Variants in PIP5K1C observed in about 807,000 individuals in gnomAD.
PIP5K1C encodes the protein phosphatidylinositol 4-phosphate 5-kinase type-1 gamma.
Under a neutral mutation model 80.1 loss-of-function variants are expected in PIP5K1C, and 45 were observed. That is an observed-to-expected ratio of 0.56 (90% confidence interval 0.44 to 0.72). PIP5K1C has a LOEUF of 0.72. Among genes scored for constraint, PIP5K1C ranks in the 30% least tolerant of loss-of-function variants. The probability of loss-of-function intolerance (pLI) is 0.00; values close to 1 mark genes in which losing one functional copy is unlikely to be tolerated. For missense variants in PIP5K1C, 753 were observed against 954.6 expected, an observed-to-expected ratio of 0.79 and a Z score of 2.78; for synonymous variants, 498 against 420.1, an observed-to-expected ratio of 1.19 and a Z score of -2.27.
Position 3,633,032 on chromosome 19 carries a change from A to AG in PIP5K1C, c.*134dup, listed in dbSNP as rs2033515033. ...GGGGCCCGGCCGTCGGCATCCGTGCAGGGGGAGGACGAGGTCCGGTGGGGC... is the reference window on the plus strand; with the variant it reads ...GGGGCCCGGCCGTCGGCATCCGTGCAGGGGGGAGGACGAGGTCCGGTGGGGC... On this transcript the variant is annotated 3_prime_UTR_variant, in exon 18 of 18. Transcript: ENST00000335312. 1.6e-6 allele frequency: 1 copy of AG among 637,546 alleles called. No individual in the cohort carries two copies. The highest frequency in any genetic ancestry group is 2.8e-5 in the East Asian group (1 of 35,192). The allele number at this position is 637,546 out of a possible 1,614,324, so 39.5% of individuals were successfully genotyped here.
intron 1 of PIP5K1C, among the ~76,000 whole-genome samples, chr19:3,683,376 G>A (rs1441993840): frequency 1.3e-5 from 2 of 152,180 alleles, no homozygotes; most frequent in Non-Finnish European, 2.9e-5. Context: ...CAAGAGCCCA[G>A]GGGCGCAGGC....
intron 1 of PIP5K1C, among the ~76,000 whole-genome samples, chr19:3,681,305 A>G (rs1379267223): frequency 6.7e-6 from 1 of 149,932 alleles, no homozygotes; most frequent in African/African-American, 2.5e-5. Context: ...ATTTTGGCTC[A>G]CTGCAACCTC....
rs981800568 is a variant in PIP5K1C at position 3,692,822 on chromosome 19, C to A, written c.94+7475G>T. ...AGGCCCTGCACACCCTGCCCCGTCC[C>A]CTCCCTGCCCTCCCCTCCTCACTGT... On this transcript the variant is annotated intron_variant, in intron 1 of 17. Coordinates refer to ENST00000335312, the MANE Select transcript of PIP5K1C (RefSeq NM_012398.3). This position sits in a 1 kb window ranked among gnomAD's most constrained non-coding sequence, Gnocchi z 5.2. Among the ~76,000 whole-genome samples, 8 of 152,056 alleles carry A rather than the reference C, an allele frequency of 5.3e-5. No individual in the cohort carries two copies. The highest frequency in any genetic ancestry group is 1.9e-4 in the African/African-American group (8 of 41,390).
In PIP5K1C at chr19:3,641,782, C is replaced by T. The variant is rs1439255477; in HGVS notation, c.1710G>A (p.Glu570=). The change falls in exon 15 of 18, where the codon GAG becomes GAA. Residue 570 remains glutamate, a synonymous_variant. Coordinates refer to ENST00000335312, the MANE Select transcript of PIP5K1C (RefSeq NM_012398.3). ...GRPQEEPPAE[E]DLQQITVQVE... ...CCTGCACTGTAATCTGCTGCAGATC[C>T]TCTTCCGCGGGTGGCTCCTCCTGCG... The T allele has an allele frequency of 6.2e-7, 1 of 1,612,166 alleles. No homozygotes were observed. Among genetic ancestry groups the T allele is most frequent in the South Asian group, 1.1e-5 (1 of 91,086 alleles).
At chr19:3,650,962 G>A (rs2034419956) in intron 8 of PIP5K1C, among the ~76,000 whole-genome samples, 1 of 151,576 alleles carries the variant, frequency 6.6e-6, no homozygotes, top group South Asian at 2.1e-4. Flanking sequence ...CACCATGTTG[G>A]CCAGGCTGGT....
Position 3,696,218 on chromosome 19 carries a change from C to G in PIP5K1C, c.94+4079G>C, listed in dbSNP as rs1349055781. ...TCGGATGCCACCTTCTTGGCAAGGC[C>G]TTCCCAGCCACCCCATTCTACCTTA... On this transcript the variant is annotated intron_variant, in intron 1 of 17. Transcript: ENST00000335312. The surrounding 1 kb of genome is among the most constrained non-coding windows in gnomAD (Gnocchi z 4.1). Among the ~76,000 whole-genome samples, 1 of 152,206 alleles carries G rather than the reference C, an allele frequency of 6.6e-6. No individual in the cohort carries two copies. Among genetic ancestry groups the G allele is most frequent in the Non-Finnish European group, 1.5e-5 (1 of 68,034 alleles).
At position 3,642,896 on chromosome 19, in the gene PIP5K1C, TTGGGTCTCAC is replaced by T; in HGVS notation, c.1682+1_1682+10del. 6.2e-7 allele frequency: 1 copy of T among 1,610,514 alleles called. No homozygotes were observed. Among genetic ancestry groups the T allele is most frequent in the Non-Finnish European group, 8.5e-7 (1 of 1,177,778 alleles). Reference sequence around the variant, plus strand: ...GGTGAGACCCAGGGAAGGAAGGGGGTTGGGTCTCACCTGCCATCCTGTCCAGACGACTGTG... The same window carrying T: ...GGTGAGACCCAGGGAAGGAAGGGGGTCTGCCATCCTGTCCAGACGACTGTG... On this transcript the variant is annotated splice_donor_variant and splice_donor_5th_base_variant and intron_variant, in intron 14 of 17. Coordinates refer to ENST00000335312, the MANE Select transcript of PIP5K1C (RefSeq NM_012398.3). LOFTEE classifies it high-confidence loss of function.
intron 7 of PIP5K1C, 99 bp downstream of exon 7, chr19:3,653,191 T>C (rs2034510572): frequency 8.7e-7 from 1 of 1,155,854 alleles, no homozygotes; most frequent in Non-Finnish European, 1.2e-6. Flanking sequence ...CAGGTGGGCC[T>C]CGGCCTGGCA....
At chr19:3,656,356 G>A in intron 6 of PIP5K1C, 49 bp downstream of exon 6, 1 of 1,606,792 alleles carries the variant, frequency 6.2e-7, no homozygotes, top group South Asian at 1.1e-5. Flanking sequence ...CCAGCCGGGA[G>A]AAGGGGGTTG....
intron 11 of PIP5K1C, among the ~76,000 whole-genome samples, chr19:3,645,143 C>T (rs910657454): frequency 6.6e-6 from 1 of 152,204 alleles, no homozygotes; most frequent in East Asian, 1.9e-4. Flanking sequence ...TGCCTGCAAG[C>T]GCTGGGCACT....
chr19:3,643,750 G>GC (rs1277772018), intron 12 of PIP5K1C, among the ~76,000 whole-genome samples: 1 of 146,434 alleles, frequency 6.8e-6, no homozygotes, highest in Admixed American at 7.3e-5. Flanking sequence ...GTGTGGTCCT[G>GC]CCCCAGGGCC....
intron 1 of PIP5K1C, among the ~76,000 whole-genome samples, chr19:3,682,125 G>A (rs572101168): frequency 6.6e-6 from 1 of 151,798 alleles, no homozygotes; most frequent in South Asian, 2.1e-4. Flanking sequence ...TATAAACCCA[G>A]CACTTTGGGA....
intron 15 of PIP5K1C, among the ~76,000 whole-genome samples, chr19:3,639,524 C>T (rs1321384185): frequency 2.0e-5 from 3 of 152,166 alleles, no homozygotes; most frequent in Admixed American, 6.5e-5. Flanking sequence ...CTCCACCGCC[C>T]GGGCTCAAGC....
intron 10 of PIP5K1C, 23 bp from the exon 11 acceptor site, chr19:3,646,081 G>A: frequency 5.4e-6 from 8 of 1,488,858 alleles, no homozygotes; most frequent in Non-Finnish European, 7.5e-6. Flanking sequence ...TGGGGGGGGT[G>A]CCCGGGGGCA....
Position 3,671,677 on chromosome 19 carries a change from C to G in PIP5K1C, c.95-4324G>C, listed in dbSNP as rs1057240538. On this transcript the variant is annotated intron_variant, in intron 1 of 17. Transcript: ENST00000335312. Reference sequence around the variant, plus strand: ...GGCAGGAACGGGCAGCAAGGGGAGACCAGAGCCGAGTGTCCTGTGGAGGAG... The same window carrying G: ...GGCAGGAACGGGCAGCAAGGGGAGAGCAGAGCCGAGTGTCCTGTGGAGGAG... Among the ~76,000 whole-genome samples the G allele has an allele frequency of 5.0e-4, 76 of 152,272 alleles. 1 individual carries two copies. The highest frequency in any genetic ancestry group is 1.8e-3 in the African/African-American group (75 of 41,558).
chr19:3,662,555 C>A (rs531354098), intron 3 of PIP5K1C, among the ~76,000 whole-genome samples: 5 of 152,208 alleles, frequency 3.3e-5, no homozygotes, highest in African/African-American at 1.2e-4. Context: ...GTGTCAGCTG[C>A]TGTTATTATT....
Position 3,692,217 on chromosome 19 carries a change from A to C in PIP5K1C, c.94+8080T>G, listed in dbSNP as rs563445280. Among the ~76,000 whole-genome samples the C allele has an allele frequency of 6.6e-6, 1 of 152,238 alleles. No individual in the cohort carries two copies. Among genetic ancestry groups the C allele is most frequent in the Admixed American group, 6.5e-5 (1 of 15,302 alleles). ...AGCGGCTGGGCAACCGAACCCAATC[A>C]TCTCAGCTGTCCTCCTGCCAACAGC... On this transcript the variant is annotated intron_variant, in intron 1 of 17. Coordinates refer to ENST00000335312, the MANE Select transcript of PIP5K1C (RefSeq NM_012398.3). This position sits in a 1 kb window ranked among gnomAD's most constrained non-coding sequence, Gnocchi z 5.2.
intron 5 of PIP5K1C, among the ~76,000 whole-genome samples, chr19:3,657,213 G>A (rs1568330849): frequency 1.3e-5 from 2 of 152,102 alleles, no homozygotes; most frequent in Non-Finnish European, 2.9e-5. Flanking sequence ...TTCATGATGT[G>A]CTCGCTGTCT....
chr19:3,666,771 G>A (rs1413692216), intron 2 of PIP5K1C, among the ~76,000 whole-genome samples: 14 of 151,422 alleles, frequency 9.2e-5, no homozygotes, highest in South Asian at 8.4e-4. Context: ...ACACACGCAC[G>A]CAGGCAAACA....
Sources: allele counts gnomAD v4.1 joint callset (sites outside exome capture counted in the v4.1 genomes callset), GRCh38; gene constraint gnomAD v4.1.1; non-coding constraint Gnocchi (gnomAD v3.1); transcripts MANE v1.5; gene names NCBI Gene and HGNC (gene_info 2026-07-23, HGNC 2026-07-21).